TSPAN5: variants seen among roughly 807,000 people sequenced by gnomAD.
TSPAN5 encodes tetraspanin 5, also known as tetraspanin-5.
A neutral mutation model predicts 37.1 loss-of-function variants in TSPAN5; 10 were observed. The ratio of observed to expected loss-of-function variants is 0.27; its 90% CI spans 0.17 to 0.46. TSPAN5 has a LOEUF of 0.46. Among genes scored for constraint, TSPAN5 ranks in the 20% least tolerant of loss-of-function variants. The pLI is 1.00. For missense variants in TSPAN5, 195 were observed against 326.6 expected, an observed-to-expected ratio of 0.60 and a Z score of 3.11; for synonymous variants, 110 against 118.9, an observed-to-expected ratio of 0.93 and a Z score of 0.48.
chr4:98,634,051 CCT>C, intron 1 of TSPAN5, among the ~76,000 whole-genome samples: 1 of 151,684 alleles, frequency 6.6e-6, no homozygotes, highest in South Asian at 2.1e-4. Flanking sequence ...TGCACTCCAG[CCT>C]GGGCAACAAG....
At chr4:98,575,388 T>A (rs1226309735) in intron 1 of TSPAN5, among the ~76,000 whole-genome samples, 1 of 149,684 alleles carries the variant, frequency 6.7e-6, no homozygotes, top group Non-Finnish European at 1.5e-5. Flanking sequence ...TTAAAGCCCA[T>A]ACTGTCAGTC....
intron 1 of TSPAN5, among the ~76,000 whole-genome samples, chr4:98,642,064 G>A (rs1176159644): frequency 6.6e-6 from 1 of 152,172 alleles, no homozygotes; most frequent in Non-Finnish European, 1.5e-5. Context: ...TTAAAGCATA[G>A]TTCTAATACT....
chr4:98,591,069 G>GTT (rs200525592), intron 1 of TSPAN5, among the ~76,000 whole-genome samples: 131 of 137,992 alleles, frequency 9.5e-4, no homozygotes, highest in African/African-American at 3.5e-3. Context: ...CCTTTTTTTT[G>GTT]TTTTTTTGTT....
intron 1 of TSPAN5, among the ~76,000 whole-genome samples, chr4:98,513,077 G>A (rs1753645278): frequency 6.6e-6 from 1 of 152,218 alleles, no homozygotes; most frequent in Non-Finnish European, 1.5e-5. Flanking sequence ...GCAAAGAAAG[G>A]AGGAAGAGTG....
chr4:98,585,156 T>C (rs1355221457), intron 1 of TSPAN5, among the ~76,000 whole-genome samples: 1 of 152,176 alleles, frequency 6.6e-6, no homozygotes, highest in East Asian at 1.9e-4. Flanking sequence ...ATTTAGGGGG[T>C]ACAAGTGCAT....
chr4:98,625,958 G>A (rs1756590370), intron 1 of TSPAN5, among the ~76,000 whole-genome samples: 1 of 152,160 alleles, frequency 6.6e-6, no homozygotes, highest in South Asian at 2.1e-4. Flanking sequence ...ATAAAGCAAT[G>A]AGTGGAAACA....
At chr4:98,489,132 G>C (rs1212872634) in intron 2 of TSPAN5, among the ~76,000 whole-genome samples, 1 of 152,154 alleles carries the variant, frequency 6.6e-6, no homozygotes, top group East Asian at 1.9e-4. Context: ...CCAGAAAGAA[G>C]AGGTAGCAGT....
chr4:98,620,274 G>A (rs1756451616), intron 1 of TSPAN5, among the ~76,000 whole-genome samples: 1 of 152,162 alleles, frequency 6.6e-6, no homozygotes, highest in African/African-American at 2.4e-5. Context: ...ACCCAGTCGT[G>A]AGGAAGTCTA....
At chr4:98,612,247 G>A (rs181052537) in intron 1 of TSPAN5, among the ~76,000 whole-genome samples, 2 of 152,190 alleles carry the variant, frequency 1.3e-5, no homozygotes, top group Non-Finnish European at 2.9e-5. Context: ...GAAGAGGAGT[G>A]GGGAACAAGA....
intron 1 of TSPAN5, among the ~76,000 whole-genome samples, chr4:98,552,776 T>A (rs1218365959): frequency 1.3e-5 from 2 of 152,174 alleles, no homozygotes; most frequent in African/African-American, 4.8e-5. Context: ...ACCCTAAGAA[T>A]GAAGCCAGTC....
At chr4:98,514,928 T>C (rs895784305) in intron 1 of TSPAN5, among the ~76,000 whole-genome samples, 19 of 152,062 alleles carry the variant, frequency 1.2e-4, no homozygotes, top group Non-Finnish European at 1.6e-4. Flanking sequence ...AAATGGGAAG[T>C]GCTGTGGAAA....
At chr4:98,567,178 A>G (rs1226737114) in intron 1 of TSPAN5, among the ~76,000 whole-genome samples, 2 of 152,212 alleles carry the variant, frequency 1.3e-5, no homozygotes, top group Non-Finnish European at 2.9e-5. Context: ...TGTTGGGCCT[A>G]TGAGGACGCA....
intron 7 of TSPAN5, among the ~76,000 whole-genome samples, chr4:98,473,329 C>T (rs1001070023): frequency 6.6e-6 from 1 of 152,210 alleles, no homozygotes; most frequent in Non-Finnish European, 1.5e-5. Context: ...CACATCCTTG[C>T]CGATACTTGT....
intron 1 of TSPAN5, among the ~76,000 whole-genome samples, chr4:98,530,507 G>C (rs1420710627): frequency 6.6e-6 from 1 of 152,102 alleles, no homozygotes; most frequent in Non-Finnish European, 1.5e-5. Flanking sequence ...CACTTTCCTA[G>C]AGGCACACTC....
chr4:98,516,661 G>T (rs1427882161), intron 1 of TSPAN5, among the ~76,000 whole-genome samples: 3 of 152,222 alleles, frequency 2.0e-5, no homozygotes, highest in African/African-American at 7.2e-5. Context: ...GTCAGAAGGT[G>T]GGGCTTAGTG....
At chr4:98,602,466 A>G (rs1468843009) in intron 1 of TSPAN5, among the ~76,000 whole-genome samples, 2 of 152,288 alleles carry the variant, frequency 1.3e-5, no homozygotes, top group South Asian at 2.1e-4. Context: ...TGGCAAAACC[A>G]GAAACACTTT....
intron 4 of TSPAN5, among the ~76,000 whole-genome samples, chr4:98,479,694 T>C (rs573543302): frequency 2.0e-5 from 3 of 152,210 alleles, no homozygotes; most frequent in Non-Finnish European, 4.4e-5. Flanking sequence ...CTGGTCTAAC[T>C]GGTTGTGTAG....
intron 1 of TSPAN5, among the ~76,000 whole-genome samples, chr4:98,619,745 A>G (rs7672002): frequency 0.047 from 7,172 of 152,252 alleles, 574 homozygotes; most frequent in African/African-American, 0.16. Flanking sequence ...CTTATAAACA[A>G]TAGAAATGTA....
rs75248144 is a variant in TSPAN5 at position 98,473,365 on chromosome 4, C to T, written c.742-778G>A. Reference sequence around the variant, plus strand: ...TATTGTCTGTCTTTTTTATTCTAACCGCTTTAACGAGTATGAAATATGTGG... The same window carrying T: ...TATTGTCTGTCTTTTTTATTCTAACTGCTTTAACGAGTATGAAATATGTGG... On this transcript the variant is annotated intron_variant, in intron 7 of 7. Transcript: ENST00000305798. Among the ~76,000 whole-genome samples the T allele has an allele frequency of 6.6e-3, 1,011 of 152,226 alleles. 10 individuals carry two copies. Among genetic ancestry groups the T allele is most frequent in the East Asian group, 0.022 (116 of 5,178 alleles).
Sources: allele counts gnomAD v4.1 joint callset (sites outside exome capture counted in the v4.1 genomes callset), GRCh38; gene constraint gnomAD v4.1.1; transcripts MANE v1.5; gene names NCBI Gene and HGNC (gene_info 2026-07-23, HGNC 2026-07-21).